Variants in SLC33A1 observed in about 807,000 individuals in gnomAD.
The protein encoded by SLC33A1 is acetyl-coenzyme A transporter 1.
SLC33A1 carries 20 observed loss-of-function variants against 50.0 expected under a neutral mutation model. The observed-to-expected ratio is 0.40, with a 90% confidence interval of 0.28 to 0.58. The LOEUF is 0.58. Among genes scored for constraint, SLC33A1 ranks in the 20% least tolerant of loss-of-function variants. The probability of loss-of-function intolerance (pLI) is 0.44; values close to 1 mark genes in which losing one functional copy is unlikely to be tolerated. For synonymous variants in SLC33A1, 265 were observed against 251.8 expected (o/e 1.05, Z -0.50); for missense variants, 476 against 657.0 (o/e 0.72, Z 3.01).
Position 155,854,023 on chromosome 3 carries a change from T to A in SLC33A1, c.-26A>T. On this transcript the variant is annotated 5_prime_UTR_variant, in exon 1 of 6. Transcript: ENST00000643144. ...ATCAGAGACGATGCAGAGCCCCGTC[T>A]GTGGGGGGCCGAGGCTGAGCGTTTT... 6.6e-7 allele frequency: 1 copy of A among 1,525,834 alleles called. No individual in the cohort carries two copies. Among genetic ancestry groups the A allele is most frequent in the Non-Finnish European group, 8.8e-7 (1 of 1,140,924 alleles). The allele number at this position is 1,525,834 out of a possible 1,614,324, so 94.5% of individuals were successfully genotyped here.
rs1287862089 is a variant in SLC33A1 at position 155,829,717 on chromosome 3, G to A, written c.1453C>T (p.Gln485Ter). The A allele has an allele frequency of 1.2e-6, 2 of 1,613,794 alleles. No individual in the cohort carries two copies. The highest frequency in any genetic ancestry group is 2.2e-5 in the East Asian group (1 of 44,860). Residue 485 changes from glutamine (Q) to a stop codon, truncating the protein, a stop_gained, in exon 5 of 6, where the codon CAG (glutamine) becomes TAG (stop). Coordinates refer to ENST00000643144, the MANE Select transcript of SLC33A1 (RefSeq NM_004733.4). LOFTEE classifies it high-confidence loss of function. ...TVKECVGASN[Q>*]NCRTPDAVEL... ...ACAGCATCAGGTGTTCGACAATTCT[G>A]GTTTGATGCTCCTACACACTCTTTT...
intron 5 of SLC33A1, among the ~76,000 whole-genome samples, chr3:155,829,145 A>G (rs1577455077): frequency 1.3e-5 from 2 of 151,068 alleles, no homozygotes; most frequent in Admixed American, 6.6e-5. Context: ...CAGGCAATCC[A>G]CCCGCCTTAG....
At chr3:155,853,020 C>T (rs1026808185) in intron 1 of SLC33A1, 2 of 597,734 alleles carry the variant, frequency 3.3e-6, no homozygotes, top group Admixed American at 3.1e-5. Flanking sequence ...CCCTGTTAAC[C>T]GCATAGTGAT....
chr3:155,852,598 C>T (rs1338148234), intron 1 of SLC33A1, among the ~76,000 whole-genome samples: 3 of 152,172 alleles, frequency 2.0e-5, no homozygotes, highest in African/African-American at 7.2e-5. Flanking sequence ...CATTTCCTGG[C>T]CTCGTGGAAT....
In SLC33A1 at chr3:155,822,830, T is replaced by A. The variant is rs1752120612; in HGVS notation, c.*5380A>T. On this transcript the variant is annotated 3_prime_UTR_variant, in exon 6 of 6. Transcript: ENST00000643144. ...TCTTTCATTACACATTTGGGCAAAA[T>A]TTTTTTAGAGTAAAGGTGATTAGTC... 1 of 152,044 alleles carries A rather than the reference T, an allele frequency of 6.6e-6. No homozygotes were observed. Among genetic ancestry groups the A allele is most frequent in the African/African-American group, 2.4e-5 (1 of 41,372 alleles). The allele number at this position is 152,044 out of a possible 1,614,324, so 9.4% of individuals were successfully genotyped here.
At chr3:155,843,643 A>T (rs573617209) in intron 1 of SLC33A1, among the ~76,000 whole-genome samples, 1 of 152,272 alleles carries the variant, frequency 6.6e-6, no homozygotes, top group Admixed American at 6.5e-5. Flanking sequence ...AAAATATGCT[A>T]AGCATTTTAC....
intron 1 of SLC33A1, 48 bp from the exon 2 acceptor site, chr3:155,842,667 C>A: frequency 1.0e-6 from 1 of 974,336 alleles, no homozygotes; most frequent in East Asian, 2.7e-5. Flanking sequence ...TACATAATTT[C>A]ATTGATACTA....
rs781773300 is a variant in SLC33A1 at position 155,853,882 on chromosome 3, T to C, written c.116A>G (p.His39Arg). The C allele has an allele frequency of 1.3e-6, 2 of 1,564,762 alleles. No individual in the cohort carries two copies. The highest frequency in any genetic ancestry group is 8.6e-7 in the Non-Finnish European group (1 of 1,156,594). Residue 39 changes from histidine to arginine, a missense_variant, in exon 1 of 6, where the codon CAT becomes CGT. Coordinates refer to ENST00000643144, the MANE Select transcript of SLC33A1 (RefSeq NM_004733.4). ...PLPPGGWDDS[H>R]LDSAGREGDR... Reference sequence around the variant, plus strand: ...CCCTTCCCGGCCCGCTGAGTCCAAATGACTGTCATCCCAACCGCCTGGCGG... The same window carrying C: ...CCCTTCCCGGCCCGCTGAGTCCAAACGACTGTCATCCCAACCGCCTGGCGG...
rs1251715267 is a variant in SLC33A1 at position 155,824,318 on chromosome 3, C to G, written c.*3892G>C. 1 of 152,126 alleles carries G rather than the reference C, an allele frequency of 6.6e-6. No individual in the cohort carries two copies. Among genetic ancestry groups the G allele is most frequent in the East Asian group, 1.9e-4 (1 of 5,190 alleles). 9.4% of individuals were successfully genotyped at this position (152,126 alleles called of 1,614,324 possible). On this transcript the variant is annotated 3_prime_UTR_variant, in exon 6 of 6. Coordinates refer to ENST00000643144, the MANE Select transcript of SLC33A1 (RefSeq NM_004733.4). ...TCATTCTTTCAATTACTTGGAACCA[C>G]AGAATTCTCCAAAATACAAAAATTA...
Position 155,842,595 on chromosome 3 carries a change from A to G in SLC33A1, c.800T>C (p.Val267Ala), listed in dbSNP as rs745660326. Reference protein sequence around the residue: ...LSDFLFFWGTVFLITTTLVAL... With the variant: ...LSDFLFFWGTAFLITTTLVAL... ...AACCAATGTTGTTGTTATTAAAAAT[A>G]CAGTTCCCCAGAAAAAAAGGAAATC... Residue 267 changes from valine (V) to alanine (A), a missense_variant, in exon 2 of 6, where the codon GTA becomes GCA. Val to Ala is a moderately conservative substitution (Grantham distance 64). Transcript: ENST00000643144. 58 of 1,568,210 alleles carry G rather than the reference A, an allele frequency of 3.7e-5. No homozygotes were observed. The highest frequency in any genetic ancestry group is 4.3e-5 in the Non-Finnish European group (50 of 1,156,418).
At position 155,833,950 on chromosome 3, in the gene SLC33A1, AT is replaced by A. The variant is rs752397647; in HGVS notation, c.1054del (p.Met352TrpfsTer6). 3 of 1,613,728 alleles carry A rather than the reference AT, an allele frequency of 1.9e-6. No homozygotes were observed. Among genetic ancestry groups the A allele is most frequent in the Non-Finnish European group, 2.5e-6 (3 of 1,179,652 alleles). ...KEHLALLAVP[M>X]VPLQIILPLI... Reference sequence around the variant, plus strand: ...AGGCAGTATTATCTGCAAAGGAACCATTGGAACTGCCAATAAGGCTAAATGT... The same window carrying A: ...AGGCAGTATTATCTGCAAAGGAACCATGGAACTGCCAATAAGGCTAAATGT... On this transcript the variant is annotated frameshift_variant, in exon 3 of 6. Coordinates refer to ENST00000643144, the MANE Select transcript of SLC33A1 (RefSeq NM_004733.4). LOFTEE classifies it high-confidence loss of function.
At chr3:155,828,896 G>GC (rs1752294736) in intron 5 of SLC33A1, among the ~76,000 whole-genome samples, 1 of 128,740 alleles carries the variant, frequency 7.8e-6, no homozygotes, top group African/African-American at 2.6e-5. Context: ...AGCCGAATAT[G>GC]TTTTTTTTTT....
rs933536099 is a variant in SLC33A1, at chr3:155,821,473, CT to C, written c.*6736del. ...ATCAATTTACCAAATATGCCACTTC[CT>C]TTTTTTTTTTGAGACAGAGTTTCGC... On this transcript the variant is annotated 3_prime_UTR_variant, in exon 6 of 6. Transcript: ENST00000643144. 2.2e-4 allele frequency: 33 copies of C among 148,184 alleles called. No homozygotes were observed. Among genetic ancestry groups the C allele is most frequent in the African/African-American group, 2.5e-4 (10 of 40,394 alleles). 9.2% of individuals were successfully genotyped at this position (148,184 alleles called of 1,614,324 possible).
intron 2 of SLC33A1, among the ~76,000 whole-genome samples, chr3:155,839,408 A>C (rs1752839239): frequency 1.5e-5 from 2 of 137,418 alleles, no homozygotes; most frequent in Admixed American, 7.3e-5. Context: ...AGTCTACTGG[A>C]AGGAAATATC....
In SLC33A1 at chr3:155,830,032, T is replaced by C; in HGVS notation, c.1267-129A>G. On this transcript the variant is annotated intron_variant, in intron 4 of 5. Coordinates refer to ENST00000643144, the MANE Select transcript of SLC33A1 (RefSeq NM_004733.4). ...TATTTATTGAACTCAATTCAACAAA[T>C]ACTTATCAAGCACCTACTATAGGCC... 2.9e-6 allele frequency: 2 copies of C among 686,552 alleles called. 1 individual carries two copies. Among genetic ancestry groups the C allele is most frequent in the South Asian group, 3.5e-5 (2 of 57,596 alleles). The allele number at this position is 686,552 out of a possible 1,614,324, so 42.5% of individuals were successfully genotyped here. A position where few individuals can be genotyped will look rare whatever the true frequency, so the allele number is the denominator to read the frequency against.
chr3:155,833,113 G>C (rs2109311382), intron 4 of SLC33A1, among the ~76,000 whole-genome samples: 2 of 152,174 alleles, frequency 1.3e-5, no homozygotes, highest in African/African-American at 4.8e-5. Flanking sequence ...GCCAGGCGTG[G>C]TGGCACGTGC....
In SLC33A1 at chr3:155,822,049, AGG is replaced by A. The variant is rs1752101552; in HGVS notation, c.*6159_*6160del. ...AAGCCTCCCAAACTAATGGGACTAC[AGG>A]TGTAAGCCAACACACCTGGTTCAAA... On this transcript the variant is annotated 3_prime_UTR_variant, in exon 6 of 6. Transcript: ENST00000643144. The A allele has an allele frequency of 6.6e-6, 1 of 152,124 alleles. No homozygotes were observed. Among genetic ancestry groups the A allele is most frequent in the Non-Finnish European group, 1.5e-5 (1 of 68,032 alleles). The allele number at this position is 152,124 out of a possible 1,614,324, so 9.4% of individuals were successfully genotyped here. A position where few individuals can be genotyped will look rare whatever the true frequency, so the allele number is the denominator to read the frequency against.
rs901789715 is a variant in SLC33A1, at chr3:155,826,470, A to C, written c.*1740T>G. On this transcript the variant is annotated 3_prime_UTR_variant, in exon 6 of 6. Coordinates refer to ENST00000643144, the MANE Select transcript of SLC33A1 (RefSeq NM_004733.4). ...GGAAGAAATAAAAGGTTATTATGGCAATCTGAGTTTCTTAATCCAAAAATT... is the reference window on the plus strand; with the variant it reads ...GGAAGAAATAAAAGGTTATTATGGCCATCTGAGTTTCTTAATCCAAAAATT... 6.6e-6 allele frequency: 1 copy of C among 152,160 alleles called. No individual in the cohort carries two copies. Among genetic ancestry groups the C allele is most frequent in the African/African-American group, 2.4e-5 (1 of 41,436 alleles). The allele number at this position is 152,160 out of a possible 1,614,324, so 9.4% of individuals were successfully genotyped here.
chr3:155,839,724 G>A (rs1258413297), intron 2 of SLC33A1, among the ~76,000 whole-genome samples: 1 of 152,090 alleles, frequency 6.6e-6, no homozygotes, highest in East Asian at 1.9e-4. Flanking sequence ...TAGGCAGGTG[G>A]ATCACTTGAG....
Sources: allele counts gnomAD v4.1 joint callset (sites outside exome capture counted in the v4.1 genomes callset), GRCh38; gene constraint gnomAD v4.1.1; transcripts MANE v1.5; gene names NCBI Gene and HGNC (gene_info 2026-07-23, HGNC 2026-07-21).